ITGA1: variants seen among roughly 807,000 people sequenced by gnomAD.
The protein encoded by ITGA1 is integrin subunit alpha 1.
ITGA1 carries 85 observed loss-of-function variants against 145.9 expected under a neutral mutation model. The ratio of observed to expected loss-of-function variants is 0.58; its 90% CI spans 0.49 to 0.70. ITGA1 has a LOEUF of 0.70. Ranked by LOEUF, ITGA1 falls within the 30% of genes least tolerant of loss-of-function variation. ITGA1 has a pLI of 0.00. For missense variants in ITGA1, 1,351 were observed against 1,418.7 expected (o/e 0.95, Z 0.77); for synonymous variants, 520 against 495.3 (o/e 1.05, Z -0.66).
chr5:52,808,477 TTCA>T, intron 1 of ITGA1, among the ~76,000 whole-genome samples: 1 of 152,316 alleles, frequency 6.6e-6, no homozygotes, highest in Admixed American at 6.5e-5. Flanking sequence ...TCTGGAATTT[TTCA>T]TCAAGTCCTA....
intron 16 of ITGA1, among the ~76,000 whole-genome samples, chr5:52,919,271 T>G (rs1444539192): frequency 6.6e-6 from 1 of 152,104 alleles, no homozygotes; most frequent in African/African-American, 2.4e-5. Flanking sequence ...CCATGACTCT[T>G]CTCTCCCTTC....
intron 7 of ITGA1, among the ~76,000 whole-genome samples, chr5:52,883,927 G>C (rs1300039319): frequency 6.6e-6 from 1 of 152,116 alleles, no homozygotes; most frequent in Admixed American, 6.5e-5. Context: ...CCTGAGTTTA[G>C]AACAGTCACA....
At chr5:52,847,598 G>A (rs1198203026) in intron 1 of ITGA1, among the ~76,000 whole-genome samples, 1 of 152,182 alleles carries the variant, frequency 6.6e-6, no homozygotes, top group Non-Finnish European at 1.5e-5. Context: ...TGTTGCCCAG[G>A]CTGGAGTGCA....
chr5:52,822,624 C>A (rs762660518), intron 1 of ITGA1, among the ~76,000 whole-genome samples: 6 of 152,210 alleles, frequency 3.9e-5, no homozygotes, highest in Non-Finnish European at 8.8e-5. Context: ...TCACTTGGCT[C>A]TCCTCCCTCG....
At chr5:52,809,592 C>A (rs1748652920) in intron 1 of ITGA1, among the ~76,000 whole-genome samples, 1 of 150,848 alleles carries the variant, frequency 6.6e-6, no homozygotes, top group Non-Finnish European at 1.5e-5. Flanking sequence ...TGCCCCTCTG[C>A]CTCCTGGGTT....
chr5:52,804,179 C>T (rs1436059763), intron 1 of ITGA1: 1 of 152,112 alleles, frequency 6.6e-6, no homozygotes, highest in Non-Finnish European at 1.5e-5. Flanking sequence ...AAAGCATATA[C>T]AGTAGTCTAA....
At chr5:52,907,672 G>T (rs891767831) in intron 12 of ITGA1, among the ~76,000 whole-genome samples, 33 of 152,112 alleles carry the variant, frequency 2.2e-4, no homozygotes, top group Admixed American at 9.8e-4. Context: ...ATTTGAAGGT[G>T]CCAGTAAAGT....
Position 52,897,464 on chromosome 5 carries a change from A to T in ITGA1, c.1100A>T (p.Asp367Val), listed in dbSNP as rs1391498665. Residue 367 changes from aspartate to valine, a missense_variant, in exon 10 of 29, where the codon GAC becomes GTC. Transcript: ENST00000282588. ...TTTTCCTATGTTATAGCCACAGCTG[A>T]CCAGTCAGCAGCTTCATTTGAAATG... The part of the protein sequence containing the change: ...ERIFALEATA[D>V]QSAASFEMEM... The T allele has an allele frequency of 5.6e-6, 9 of 1,611,242 alleles. No individual in the cohort carries two copies. The highest frequency in any genetic ancestry group is 5.9e-6 in the Non-Finnish European group (7 of 1,177,676).
chr5:52,790,302 C>T (rs889104960), intron 1 of ITGA1, among the ~76,000 whole-genome samples: 2 of 152,190 alleles, frequency 1.3e-5, no homozygotes, highest in African/African-American at 4.8e-5. Context: ...CCAAAATTCT[C>T]AACTGACTGC....
chr5:52,795,914 C>G (rs796196508), intron 1 of ITGA1, among the ~76,000 whole-genome samples: 1 of 151,880 alleles, frequency 6.6e-6, no homozygotes, highest in African/African-American at 2.4e-5. Flanking sequence ...CAGGAAAGAC[C>G]ATATTTGAGG....
Position 52,909,018 on chromosome 5 carries a change from G to C in ITGA1, c.1576G>C (p.Val526Leu). ...AACAGAGAAGGAGGAGCAAGGAAAA[G>C]TGTATGTGTATGCTCTCAATCAGGT... ...MGTEKEEQGK[V>L]YVYALNQTRF... The change falls in exon 13 of 29, where the codon GTG (valine) becomes CTG (leucine). Residue 526 changes from valine (V) to leucine (L), a missense_variant. By Grantham distance (32) the Val-to-Leu change is conservative. Coordinates refer to ENST00000282588, the MANE Select transcript of ITGA1 (RefSeq NM_181501.2). 1 of 1,613,780 alleles carries C rather than the reference G, an allele frequency of 6.2e-7. No homozygotes were observed. The highest frequency in any genetic ancestry group is 8.5e-7 in the Non-Finnish European group (1 of 1,179,804).
intron 7 of ITGA1, among the ~76,000 whole-genome samples, chr5:52,884,511 G>C (rs1750017416): frequency 6.6e-6 from 1 of 151,090 alleles, no homozygotes; most frequent in Non-Finnish European, 1.5e-5. Flanking sequence ...CATGATATTT[G>C]TTAAAGATTG....
rs1751112008 is a variant in ITGA1 at position 52,944,958 on chromosome 5, T to G, written c.3301T>G (p.Leu1101Val). 6.2e-7 allele frequency: 1 copy of G among 1,611,778 alleles called. No individual in the cohort carries two copies. Among genetic ancestry groups the G allele is most frequent in the South Asian group, 1.1e-5 (1 of 91,004 alleles). The change falls in exon 27 of 29, where the codon TTA (leucine) becomes GTA (valine). Residue 1101 changes from leucine to valine, a missense_variant. Coordinates refer to ENST00000282588, the MANE Select transcript of ITGA1 (RefSeq NM_181501.2). ...PTFIKSYFSS[L>V]NLTIRGELRS... ...TGCTTTTCAGTCATATTTTTCCAGC[T>G]TAAATCTTACTATAAGGGGAGAACT...
chr5:52,915,383 C>A, intron 14 of ITGA1, 81 bp from the exon 15 acceptor site: 1 of 1,434,480 alleles, frequency 7.0e-7, no homozygotes, highest in Non-Finnish European at 9.6e-7. Context: ...TTTTGTTAAA[C>A]AATTTAAATT....
At chr5:52,893,919 A>T in intron 9 of ITGA1, 79 bp downstream of exon 9, 1 of 1,092,230 alleles carries the variant, frequency 9.2e-7, no homozygotes, top group South Asian at 1.6e-5. Context: ...ATTTATTCCT[A>T]ATACATCAGT....
rs371806152 is a variant in ITGA1 at position 52,918,701 on chromosome 5, G to A, written c.1989-31G>A. ...GATGACATTCATTAAATGTAAAAAT[G>A]TGTGAGTAATCCCATTGTTTTTGTT... On this transcript the variant is annotated intron_variant, in intron 15 of 28. Coordinates refer to ENST00000282588, the MANE Select transcript of ITGA1 (RefSeq NM_181501.2). 5.7e-6 allele frequency: 9 copies of A among 1,585,526 alleles called. No individual in the cohort carries two copies. In the East Asian group the frequency reaches 1.1e-4, roughly 20 times the overall value.
At chr5:52,903,092 G>A (rs1436560294) in intron 11 of ITGA1, 1 of 151,976 alleles carries the variant, frequency 6.6e-6, no homozygotes, top group Non-Finnish European at 1.5e-5. Context: ...TAGTTATCAA[G>A]TATAAGTCAT....
chr5:52,908,361 G>A (rs913353082), intron 12 of ITGA1, among the ~76,000 whole-genome samples: 15 of 152,096 alleles, frequency 9.9e-5, no homozygotes, highest in Admixed American at 3.3e-4. Context: ...TGCTACAAGG[G>A]ATGATACCCC....
intron 1 of ITGA1, among the ~76,000 whole-genome samples, chr5:52,811,020 C>T (rs1748676545): frequency 6.6e-6 from 1 of 152,152 alleles, no homozygotes; most frequent in Non-Finnish European, 1.5e-5. Context: ...GTAGCGCAAC[C>T]AGCTTTCACA....
Sources: gnomAD v4.1 joint callset for allele counts (sites outside exome capture counted in the v4.1 genomes callset) on GRCh38, gnomAD v4.1.1 for gene constraint, MANE v1.5 for transcripts, NCBI Gene and HGNC (gene_info 2026-07-23, HGNC 2026-07-21) for gene names.